The following GNA12 variants were observed in gnomAD, a reference collection of about 807,000 sequenced individuals.
The protein encoded by GNA12 is guanine nucleotide-binding protein subunit alpha-12.
A neutral mutation model predicts 26.0 loss-of-function variants in GNA12; 9 were observed. That is an observed-to-expected ratio of 0.35 (90% CI 0.21 to 0.60). The LOEUF (loss-of-function observed/expected upper bound fraction) is 0.60, where lower values mean the gene tolerates loss of function less well. Ranked by LOEUF, GNA12 falls within the 20% of genes least tolerant of loss-of-function variation. The probability of loss-of-function intolerance (pLI) is 0.78; values close to 1 mark genes in which losing one functional copy is unlikely to be tolerated. For synonymous variants in GNA12, 264 were observed against 219.6 expected, an observed-to-expected ratio of 1.20 and a Z score of -1.79; for missense variants, 405 against 525.8, an observed-to-expected ratio of 0.77 and a Z score of 2.25.
At chr7:2,814,972 G>A (rs955876841) in intron 1 of GNA12, 11 of 1,556,950 alleles carry the variant, frequency 7.1e-6, no homozygotes, top group African/African-American at 1.4e-5. Flanking sequence ...CACTCGGCAT[G>A]GCTGACAAGG....
chr7:2,844,012 C>G lies in GNA12; in HGVS notation c.150G>C (p.Glu50Asp). The G allele has an allele frequency of 1.3e-6, 2 of 1,522,722 alleles. No individual in the cohort carries two copies. Among genetic ancestry groups the G allele is most frequent in the Admixed American group, 2.0e-5 (1 of 50,510 alleles). The allele number at this position is 1,522,722 out of a possible 1,614,324, so 94.3% of individuals were successfully genotyped here. A position where few individuals can be genotyped will look rare whatever the true frequency, so the allele number is the denominator to read the frequency against. ...TCACCAGGCGCCGGACCGCGCGCCG[C>G]TCGCGGGCCAGCAGCGCGTCGATGT... ...SRDIDALLAR[E>D]RRAVRRLVKI... The change falls in exon 1 of 4, where the codon GAG becomes GAC. Residue 50 changes from glutamate (E) to aspartate (D), a missense_variant. Physicochemically the swap from Glu to Asp is conservative, Grantham distance 45. Coordinates refer to ENST00000275364, the MANE Select transcript of GNA12 (RefSeq NM_007353.3).
intron 1 of GNA12, among the ~76,000 whole-genome samples, chr7:2,816,716 T>C (rs981052244): frequency 1.4e-4 from 22 of 152,186 alleles, no homozygotes; most frequent in Admixed American, 7.9e-4. Context: ...GTGAGAATGA[T>C]ATTGAAGCTA....
At chr7:2,747,047 A>C (rs186316548) in intron 2 of GNA12, among the ~76,000 whole-genome samples, 1 of 152,322 alleles carries the variant, frequency 6.6e-6, no homozygotes, top group African/African-American at 2.4e-5. Context: ...AACCAAAAAA[A>C]GTCCAGGAGC....
intron 1 of GNA12, among the ~76,000 whole-genome samples, chr7:2,811,519 C>T (rs1384561322): frequency 2.6e-5 from 4 of 152,172 alleles, no homozygotes; most frequent in Non-Finnish European, 5.9e-5. Flanking sequence ...AATGAAGTAA[C>T]TTTTATCAAA....
intron 1 of GNA12, among the ~76,000 whole-genome samples, chr7:2,808,741 T>G (rs1317695466): frequency 6.6e-6 from 1 of 152,186 alleles, no homozygotes. Flanking sequence ...GTCTTCTAAT[T>G]GGCTGCTTTG....
At chr7:2,790,705 G>A (rs1359330597) in intron 2 of GNA12, among the ~76,000 whole-genome samples, 1 of 152,226 alleles carries the variant, frequency 6.6e-6, no homozygotes, top group African/African-American at 2.4e-5. Context: ...CTGGTGGTAT[G>A]CACCTGTAAT....
At chr7:2,828,561 A>G (rs1793534195) in intron 1 of GNA12, among the ~76,000 whole-genome samples, 1 of 152,202 alleles carries the variant, frequency 6.6e-6, no homozygotes, top group Admixed American at 6.5e-5. Flanking sequence ...GGGAAAGATC[A>G]AAGTGTTGTC....
rs1485183849 is a variant in GNA12, at chr7:2,759,254, G to A, written c.526-25753C>T. Among the ~76,000 whole-genome samples, 3 of 152,106 alleles carry A rather than the reference G, an allele frequency of 2.0e-5. No individual in the cohort carries two copies. The South Asian group carries it at 6.2e-4, about 32-fold the overall frequency. ...ACGCTGAAGAAATAAGTCATAAAAT[G>A]GTTATACTGTCCTTATTTACATGAA... On this transcript the variant is annotated intron_variant, in intron 2 of 3. Transcript: ENST00000275364.
intron 1 of GNA12, among the ~76,000 whole-genome samples, chr7:2,819,938 A>G (rs1347543839): frequency 1.3e-5 from 2 of 152,242 alleles, no homozygotes; most frequent in East Asian, 3.8e-4. Context: ...GTTTATAGCA[A>G]CATCATTCAT....
rs1309858387 is a variant in GNA12 at position 2,728,462 on chromosome 7, G to C, written c.*2719C>G. 2.6e-5 allele frequency: 4 copies of C among 152,072 alleles called. No homozygotes were observed. Among genetic ancestry groups the C allele is most frequent in the Non-Finnish European group, 4.4e-5 (3 of 68,010 alleles). The allele number at this position is 152,072 out of a possible 1,614,324, so 9.4% of individuals were successfully genotyped here. On this transcript the variant is annotated 3_prime_UTR_variant, in exon 4 of 4. Coordinates refer to ENST00000275364, the MANE Select transcript of GNA12 (RefSeq NM_007353.3). Reference sequence around the variant, plus strand: ...TACAGACCTATGACTCAAAATCCTTGAAACAATTTCTCTACGAACATAAGA... The same window carrying C: ...TACAGACCTATGACTCAAAATCCTTCAAACAATTTCTCTACGAACATAAGA...
intron 2 of GNA12, among the ~76,000 whole-genome samples, chr7:2,790,790 A>G (rs148255977): frequency 1.3e-5 from 2 of 152,326 alleles, no homozygotes; most frequent in Non-Finnish European, 2.9e-5. Context: ...GCAACATAGT[A>G]AGACCTCAAT....
chr7:2,762,739 C>T, intron 2 of GNA12: 1 of 1,555,250 alleles, frequency 6.4e-7, no homozygotes, highest in Non-Finnish European at 8.7e-7. Context: ...GTCCTCCCTC[C>T]CGCAGGAAGT....
At chr7:2,745,901 C>A (rs1338764923) in intron 2 of GNA12, among the ~76,000 whole-genome samples, 3 of 152,106 alleles carry the variant, frequency 2.0e-5, no homozygotes. Context: ...TTTAAACCAA[C>A]AAAGATCAAA....
In GNA12 at chr7:2,747,494, C is replaced by T. The variant is rs375630946; in HGVS notation, c.526-13993G>A. Among the ~76,000 whole-genome samples the T allele has an allele frequency of 9.2e-5, 14 of 152,218 alleles. 1 individual carries two copies. The East Asian group carries it at 1.7e-3, about 19-fold the overall frequency. ...CAACCTTCATGCTAAAAACTCTCAA[C>T]AAATTAGGTATTGATGGGACGTATC... On this transcript the variant is annotated intron_variant, in intron 2 of 3. Transcript: ENST00000275364.
At chr7:2,843,791 G>A (rs2114986968) in intron 1 of GNA12, 62 bp downstream of exon 1, 5 of 918,164 alleles carry the variant, frequency 5.4e-6, no homozygotes, top group Non-Finnish European at 7.6e-6. Context: ...GGAGGGGCCC[G>A]GGGCGGGGGT....
intron 2 of GNA12, among the ~76,000 whole-genome samples, chr7:2,768,666 T>TAAAAAGAAAAAA (rs1791869261): frequency 1.1e-5 from 1 of 91,790 alleles, no homozygotes; most frequent in Non-Finnish European, 2.5e-5. Flanking sequence ...GCTCTCAAGG[T>TAAAAAGAAAAAA]AAAAAAAAAA....
intron 2 of GNA12, 26 bp downstream of exon 2, chr7:2,794,902 C>A: frequency 6.6e-7 from 1 of 1,509,252 alleles, no homozygotes; most frequent in South Asian, 1.1e-5. Flanking sequence ...CTATCAGGTG[C>A]CCAGCAAGAA....
chr7:2,817,253 C>T (rs6974034), intron 1 of GNA12, among the ~76,000 whole-genome samples: 1,603 of 152,300 alleles, frequency 0.011, 38 homozygotes, highest in African/African-American at 0.037. Flanking sequence ...TACAGGCACG[C>T]GCCACCATGC....
At chr7:2,795,627 C>A (rs201250565) in intron 1 of GNA12, among the ~76,000 whole-genome samples, 170 of 117,352 alleles carry the variant, frequency 1.4e-3, no homozygotes, top group Middle Eastern at 4.8e-3. Context: ...GACCCTGTTT[C>A]AAAAAAAAAA....
Sources: allele counts gnomAD v4.1 joint callset (sites outside exome capture counted in the v4.1 genomes callset), GRCh38; gene constraint gnomAD v4.1.1; transcripts MANE v1.5; gene names NCBI Gene and HGNC (gene_info 2026-07-23, HGNC 2026-07-21).